DLGAP2: variants seen among roughly 807,000 people sequenced by gnomAD.
DLGAP2 encodes the protein disks large-associated protein 2.
Under a neutral mutation model 100.3 loss-of-function variants are expected in DLGAP2, and 26 were observed. The ratio of observed to expected loss-of-function variants is 0.26; its 90% CI spans 0.19 to 0.36. The LOEUF (loss-of-function observed/expected upper bound fraction) is 0.36. DLGAP2 is among the 10% of genes least tolerant of loss of function. DLGAP2 has a pLI of 1.00. For missense variants in DLGAP2, 1,858 were observed against 1,453.2 expected, an observed-to-expected ratio of 1.28 and a Z score of -4.53; for synonymous variants, 886 against 630.1, an observed-to-expected ratio of 1.41 and a Z score of -6.08.
intron 1 of DLGAP2, among the ~76,000 whole-genome samples, chr8:800,232 A>G (rs1013184686): frequency 2.6e-5 from 4 of 152,204 alleles, no homozygotes; most frequent in Non-Finnish European, 5.9e-5. Context: ...CGGCAGAATC[A>G]TCAGTGTTCC....
chr8:747,548 C>T lies in DLGAP2; in HGVS notation c.18+9723C>T, dbSNP rs114420654. 7.3e-3 allele frequency among the ~76,000 whole-genome samples: 380 copies of T among 52,040 alleles called. 5 individuals are homozygous for T. Among genetic ancestry groups the T allele is most frequent in the African/African-American group, 0.03 (362 of 11,906 alleles). 34.1% of individuals were successfully genotyped at this position (52,040 alleles called of 152,430 possible). ...GGGTGACCTTTGAAGTAGGACGGGG[C>T]GCAGGGCGGGGGTGGGGGGCTCTGC... is the stretch of plus-strand genomic sequence containing the variant. On this transcript the variant is annotated intron_variant, in intron 1 of 14. Coordinates refer to ENST00000637795, the MANE Select transcript of DLGAP2 (RefSeq NM_001346810.2).
chr8:1,541,060 A>G (rs1205557180), intron 4 of DLGAP2, among the ~76,000 whole-genome samples: 1 of 152,200 alleles, frequency 6.6e-6, no homozygotes, highest in Non-Finnish European at 1.5e-5. Flanking sequence ...TCTCAAGAGC[A>G]TCAGAGTACT....
intron 2 of DLGAP2, among the ~76,000 whole-genome samples, chr8:1,190,292 C>G (rs192651439): frequency 7.2e-5 from 11 of 152,310 alleles, no homozygotes; most frequent in Admixed American, 7.2e-4. Context: ...CCAACGTGCC[C>G]TCCATCTCCT....
At chr8:1,169,682 TTGTC>T (rs1391120703) in intron 2 of DLGAP2, among the ~76,000 whole-genome samples, 1 of 152,018 alleles carries the variant, frequency 6.6e-6, no homozygotes, top group Non-Finnish European at 1.5e-5. Flanking sequence ...GGCTCTCTGT[TTGTC>T]TGTTGTTGGT....
intron 10 of DLGAP2, among the ~76,000 whole-genome samples, chr8:1,670,227 CTT>C (rs1192669701): frequency 2.0e-5 from 3 of 152,222 alleles, no homozygotes; most frequent in Non-Finnish European, 4.4e-5. Flanking sequence ...GCAGTACCGA[CTT>C]TATCTGAAAT....
At chr8:1,371,435 A>G (rs891093742) in intron 3 of DLGAP2, among the ~76,000 whole-genome samples, 7 of 152,148 alleles carry the variant, frequency 4.6e-5, no homozygotes, top group Non-Finnish European at 8.8e-5. Context: ...TGGGAGATGG[A>G]CAGAAAGGCA....
chr8:900,729 C>T (rs553123592), intron 1 of DLGAP2, among the ~76,000 whole-genome samples: 7 of 152,104 alleles, frequency 4.6e-5, no homozygotes, highest in South Asian at 2.1e-4. Flanking sequence ...AGAGAAATTC[C>T]GGGGAGGTTA....
intron 2 of DLGAP2, among the ~76,000 whole-genome samples, chr8:1,009,055 G>A (rs2129020177): frequency 6.6e-6 from 1 of 152,336 alleles, no homozygotes; most frequent in African/African-American, 2.4e-5. Flanking sequence ...AGCTGGGTGG[G>A]GGCCCTGATG....
In DLGAP2 at chr8:1,549,327, G is replaced by C. The variant is rs748312549; in HGVS notation, c.874G>C (p.Gly292Arg). The C allele has an allele frequency of 6.2e-7, 1 of 1,613,020 alleles. No homozygotes were observed. Among genetic ancestry groups the C allele is most frequent in the African/African-American group, 1.3e-5 (1 of 74,934 alleles). The change falls in exon 5 of 15, where the codon GGC becomes CGC. Residue 292 changes from glycine (G) to arginine (R), a missense_variant. By Grantham distance (125) the Gly-to-Arg change is moderately radical (BLOSUM62 -2). Coordinates refer to ENST00000637795, the MANE Select transcript of DLGAP2 (RefSeq NM_001346810.2). ...ERKPEGKPRP[G>R]MSSWWSSDDN... ...CAAGCCGGAGGGCAAGCCCCGGCCC[G>C]GCATGAGCAGCTGGTGGAGCTCGGA... is the stretch of plus-strand genomic sequence containing the variant.
chr8:1,559,818 G>A (rs1802098578), intron 5 of DLGAP2, among the ~76,000 whole-genome samples: 1 of 152,212 alleles, frequency 6.6e-6, no homozygotes, highest in Non-Finnish European at 1.5e-5. Flanking sequence ...CCCGTGCCCA[G>A]GAACTGGGTG....
intron 3 of DLGAP2, chr8:1,300,250 C>G (rs1800300326): frequency 6.7e-6 from 1 of 148,416 alleles, no homozygotes; most frequent in African/African-American, 2.4e-5. Flanking sequence ...TGTGTAGATG[C>G]ACTCACATAT....
At chr8:1,375,328 A>C (rs376788272) in intron 3 of DLGAP2, among the ~76,000 whole-genome samples, 221 of 44,658 alleles carry the variant, frequency 4.9e-3, no homozygotes, top group East Asian at 0.04. Flanking sequence ...CCCACCTCCT[A>C]CATTTGGGTT....
rs979921764 is a variant in DLGAP2, at chr8:1,296,378, C to T, written c.106+37495C>T. On this transcript the variant is annotated intron_variant, in intron 3 of 14. Coordinates refer to ENST00000637795, the MANE Select transcript of DLGAP2 (RefSeq NM_001346810.2). Reference sequence around the variant, plus strand: ...TCCTTTAATCTCCCTGGCACGCTGGCTGCATGTGCCTTGTAACTTCCAAAA... The same window carrying T: ...TCCTTTAATCTCCCTGGCACGCTGGTTGCATGTGCCTTGTAACTTCCAAAA... Among the ~76,000 whole-genome samples, 18 of 152,262 alleles carry T rather than the reference C, an allele frequency of 1.2e-4. No individual in the cohort carries two copies. The South Asian group carries it at 3.3e-3, about 28-fold the overall frequency.
intron 1 of DLGAP2, among the ~76,000 whole-genome samples, chr8:898,942 G>A (rs1458624454): frequency 6.6e-6 from 1 of 152,330 alleles, no homozygotes; most frequent in Non-Finnish European, 1.5e-5. Context: ...GGAGCTTGAC[G>A]GACAAACAGA....
At chr8:1,440,037 G>A (rs1306617484) in intron 3 of DLGAP2, among the ~76,000 whole-genome samples, 1 of 152,194 alleles carries the variant, frequency 6.6e-6, no homozygotes. Flanking sequence ...AGATACAGAT[G>A]TGGTTTAAAG....
chr8:1,488,818 C>T (rs1799296314), intron 3 of DLGAP2, among the ~76,000 whole-genome samples: 3 of 152,120 alleles, frequency 2.0e-5, no homozygotes, highest in African/African-American at 7.2e-5. Context: ...CTATGATGTC[C>T]AGAGATCACC....
At chr8:1,047,360 G>T (rs1272089873) in intron 2 of DLGAP2, among the ~76,000 whole-genome samples, 1 of 152,158 alleles carries the variant, frequency 6.6e-6, no homozygotes, top group Non-Finnish European at 1.5e-5. Context: ...TTCGGATTTT[G>T]GAATTTTTTT....
chr8:1,636,995 G>A (rs191970708), intron 8 of DLGAP2, among the ~76,000 whole-genome samples: 17 of 152,352 alleles, frequency 1.1e-4, no homozygotes, highest in Middle Eastern at 6.8e-3. Context: ...GATGGCTGCC[G>A]AGTGCGCAGC....
At chr8:842,925 C>T (rs1367035841) in intron 1 of DLGAP2, among the ~76,000 whole-genome samples, 3 of 152,134 alleles carry the variant, frequency 2.0e-5, no homozygotes, top group Non-Finnish European at 4.4e-5. Flanking sequence ...CTTATGTAAT[C>T]TTCTTAGTGT....
Sources: allele counts gnomAD v4.1 joint callset (sites outside exome capture counted in the v4.1 genomes callset), GRCh38; gene constraint gnomAD v4.1.1; transcripts MANE v1.5; gene names NCBI Gene and HGNC (gene_info 2026-07-23, HGNC 2026-07-21).